ADARB2: variants seen among roughly 807,000 people sequenced by gnomAD.
ADARB2 encodes inactive double-stranded RNA-specific editase B2.
A neutral mutation model predicts 62.2 loss-of-function variants in ADARB2; 25 were observed. The ratio of observed to expected loss-of-function variants is 0.40; its 90% confidence interval spans 0.29 to 0.56. ADARB2 has a LOEUF of 0.56. Among genes scored for constraint, ADARB2 ranks in the 20% least tolerant of loss-of-function variants. The pLI, the probability that ADARB2 is intolerant of heterozygous loss-of-function variation, is 0.43. For synonymous variants in ADARB2, 572 were observed against 500.8 expected (o/e 1.14, Z -1.90); for missense variants, 1,071 against 1,077.4 (o/e 0.99, Z 0.08).
At chr10:1,565,860 G>A (rs976545406) in intron 1 of ADARB2, among the ~76,000 whole-genome samples, 3 of 152,042 alleles carry the variant, frequency 2.0e-5, no homozygotes, top group Non-Finnish European at 2.9e-5. Context: ...GCGCTTCTCC[G>A]TGGTGGGCAG....
intron 1 of ADARB2, among the ~76,000 whole-genome samples, chr10:1,529,935 G>GACCCGTCCATTGCTCCCGCCACCGCAGGC (rs1832203427): frequency 6.7e-6 from 1 of 149,758 alleles, no homozygotes; most frequent in Non-Finnish European, 1.5e-5. Flanking sequence ...CCACTGCAGG[G>GACCCGTCCATTGCTCCCGCCACCGCAGGC]ACCCATTCAC....
At chr10:1,351,674 C>T (rs2820619) in intron 3 of ADARB2, among the ~76,000 whole-genome samples, 64,409 of 151,346 alleles carry the variant, frequency 0.43, 14,258 homozygotes, top group East Asian at 0.82. Flanking sequence ...ATGCACCCCT[C>T]ACCATCCCAT....
chr10:1,663,262 T>C (rs1336439213), intron 1 of ADARB2, among the ~76,000 whole-genome samples: 1 of 152,234 alleles, frequency 6.6e-6, no homozygotes, highest in East Asian at 1.9e-4. Context: ...CATGTGCGCA[T>C]TGATTACGAC....
rs1017621534 is a variant in ADARB2, at chr10:1,639,719, G to A, written c.100+97332C>T. 2.6e-5 allele frequency among the ~76,000 whole-genome samples: 4 copies of A among 152,150 alleles called. No homozygotes were observed. In the South Asian group the frequency reaches 8.3e-4, roughly 32 times the overall value. On this transcript the variant is annotated intron_variant, in intron 1 of 9. Coordinates refer to ENST00000381312, the MANE Select transcript of ADARB2 (RefSeq NM_018702.4). ...TAGCTGGGTGTGGTGGCGGGCGCCTGTAGTCCCAGCTACTCAGGAGGCTGA... is the reference window on the plus strand; with the variant it reads ...TAGCTGGGTGTGGTGGCGGGCGCCTATAGTCCCAGCTACTCAGGAGGCTGA...
intron 1 of ADARB2, among the ~76,000 whole-genome samples, chr10:1,593,584 G>A (rs536941238): frequency 2.4e-4 from 37 of 152,324 alleles, no homozygotes; most frequent in South Asian, 2.1e-3. Context: ...CCATTTCTGC[G>A]AAGTAGTAAT....
intron 3 of ADARB2, among the ~76,000 whole-genome samples, chr10:1,288,418 G>C (rs980708176): frequency 6.6e-6 from 1 of 152,200 alleles, no homozygotes; most frequent in South Asian, 2.1e-4. Flanking sequence ...TGTCATTTCT[G>C]TTCATCCCCG....
rs191644759 is a variant in ADARB2 at position 1,352,590 on chromosome 10, C to T, written c.1077+10438G>A. Among the ~76,000 whole-genome samples, 563 of 152,332 alleles carry T rather than the reference C, an allele frequency of 3.7e-3. 3 individuals are homozygous for T. The highest frequency in any genetic ancestry group is 6.4e-3 in the Non-Finnish European group (437 of 68,034). On this transcript the variant is annotated intron_variant, in intron 3 of 9. Transcript: ENST00000381312. ...GCCCAGCCCTCATGTCTGCATGCAG[C>T]GGCTGCCACTGCCTTAATACTTTTA...
intron 1 of ADARB2, among the ~76,000 whole-genome samples, chr10:1,674,681 G>C (rs1834438794): frequency 6.6e-6 from 1 of 152,096 alleles, no homozygotes; most frequent in Non-Finnish European, 1.5e-5. Context: ...TCCTCTACCT[G>C]ACCGGTCCCG....
rs1304744154 is a variant in ADARB2, at chr10:1,179,960, G to T, written c.*3233C>A. The T allele has an allele frequency of 6.6e-6, 1 of 152,024 alleles. No homozygotes were observed. Among genetic ancestry groups the T allele is most frequent in the Non-Finnish European group, 1.5e-5 (1 of 68,078 alleles). The allele number at this position is 152,024 out of a possible 1,614,324, so 9.4% of individuals were successfully genotyped here. A position where few individuals can be genotyped will look rare whatever the true frequency, so the allele number is the denominator to read the frequency against. On this transcript the variant is annotated 3_prime_UTR_variant, in exon 10 of 10. Transcript: ENST00000381312. ...GTGTCGTGCCCAGCGTATTTTCAGG[G>T]TGACAGAAAGTGACCCGTCCCCTAC...
At position 1,398,826 on chromosome 10, in the gene ADARB2, C is replaced by T. The variant is rs572668357; in HGVS notation, c.101-19666G>A. On this transcript the variant is annotated intron_variant, in intron 1 of 9. Coordinates refer to ENST00000381312, the MANE Select transcript of ADARB2 (RefSeq NM_018702.4). This position sits in a 1 kb window ranked among gnomAD's most constrained non-coding sequence, Gnocchi z 4.1. ...CATTTGGGAAGAAGAGATTTTCTCC[C>T]TCCGCAGCAGCAGCGCAGCCTGCAC... Among the ~76,000 whole-genome samples the T allele has an allele frequency of 2.4e-4, 36 of 152,254 alleles. No individual in the cohort carries two copies. In the South Asian group the frequency reaches 5.8e-3, roughly 25 times the overall value.
chr10:1,665,913 G>A (rs753200422), intron 1 of ADARB2, among the ~76,000 whole-genome samples: 2 of 152,206 alleles, frequency 1.3e-5, no homozygotes, highest in Non-Finnish European at 2.9e-5. Context: ...GCACGGGGGC[G>A]TCAGAGGACG....
intron 1 of ADARB2, among the ~76,000 whole-genome samples, chr10:1,564,206 A>T (rs1413802629): frequency 3.3e-5 from 5 of 152,178 alleles, no homozygotes; most frequent in Non-Finnish European, 7.3e-5. Context: ...GAATCGCCAC[A>T]CTGACTTCCA....
At chr10:1,592,087 T>G (rs1051952449) in intron 1 of ADARB2, among the ~76,000 whole-genome samples, 2 of 152,122 alleles carry the variant, frequency 1.3e-5, no homozygotes, top group African/African-American at 4.8e-5. Context: ...CCCTTTAGAG[T>G]GAATTCAAGA....
intron 1 of ADARB2, among the ~76,000 whole-genome samples, chr10:1,612,212 G>A (rs1433013099): frequency 6.6e-6 from 1 of 152,218 alleles, no homozygotes; most frequent in South Asian, 2.1e-4. Flanking sequence ...TTTCTGAGTT[G>A]TGAGGAGGGG....
At chr10:1,474,146 A>G (rs973954588) in intron 1 of ADARB2, among the ~76,000 whole-genome samples, 1 of 151,820 alleles carries the variant, frequency 6.6e-6, no homozygotes, top group Non-Finnish European at 1.5e-5. Context: ...TGATTCCTGC[A>G]TGGCCTTCGC....
At chr10:1,581,225 G>A (rs7077393) in intron 1 of ADARB2, among the ~76,000 whole-genome samples, 77,148 of 152,164 alleles carry the variant, frequency 0.51, 20,028 homozygotes, top group East Asian at 0.64. Flanking sequence ...TTCAAGGTGC[G>A]GGGAAGAAGC....
At chr10:1,507,580 G>A (rs1473590127) in intron 1 of ADARB2, among the ~76,000 whole-genome samples, 4 of 152,200 alleles carry the variant, frequency 2.6e-5, no homozygotes, top group African/African-American at 9.7e-5. Context: ...CCCTCGACCA[G>A]GTGGCAGCTT....
intron 1 of ADARB2, among the ~76,000 whole-genome samples, chr10:1,423,968 A>T (rs531681532): frequency 1.3e-5 from 2 of 150,430 alleles, no homozygotes; most frequent in African/African-American, 4.9e-5. Flanking sequence ...ATGCAGTAGG[A>T]CCACTATGTA....
intron 6 of ADARB2, among the ~76,000 whole-genome samples, chr10:1,224,689 T>C (rs999133293): frequency 6.6e-6 from 1 of 152,224 alleles, no homozygotes; most frequent in Non-Finnish European, 1.5e-5. Flanking sequence ...ATGTACCCAG[T>C]AGTCATTCAG....
Sources: gnomAD v4.1 joint callset for allele counts (sites outside exome capture counted in the v4.1 genomes callset) on GRCh38, gnomAD v4.1.1 for gene constraint, Gnocchi (gnomAD v3.1) non-coding constraint, MANE v1.5 for transcripts, NCBI Gene and HGNC (gene_info 2026-07-23, HGNC 2026-07-21) for gene names.